Variants in CNTNAP4 observed in about 807,000 individuals in gnomAD.
The protein encoded by CNTNAP4 is contactin-associated protein-like 4.
A neutral mutation model predicts 148.4 loss-of-function variants in CNTNAP4; 98 were observed. The ratio of observed to expected loss-of-function variants is 0.66; its 90% confidence interval spans 0.56 to 0.78. The LOEUF is 0.78. Ranked by LOEUF, CNTNAP4 falls within the 30% of genes least tolerant of loss-of-function variation. The pLI is 0.00. For missense variants in CNTNAP4, 1,935 were observed against 1,565.6 expected, an observed-to-expected ratio of 1.24 and a Z score of -3.98; for synonymous variants, 730 against 565.1, an observed-to-expected ratio of 1.29 and a Z score of -4.14.
In CNTNAP4 at chr16:76,449,715, A is replaced by T; in HGVS notation, c.928A>T (p.Ile310Phe). Residue 310 changes from isoleucine to phenylalanine, a missense_variant and splice_region_variant, in exon 7 of 24, where the codon ATC becomes TTC. Ile to Phe is a conservative substitution (Grantham distance 21, BLOSUM62 0). Transcript: ENST00000611870. ...TATTGATGCCATTTTTCTTTCTAAG[A>T]TCAGCTTTGGAGGGATTCCAGCACC... ...EFNLMNLDYE[I>F]SFGGIPAPGK... 6.4e-7 allele frequency: 1 copy of T among 1,561,108 alleles called. No individual in the cohort carries two copies. The highest frequency in any genetic ancestry group is 8.6e-7 in the Non-Finnish European group (1 of 1,156,292).
At chr16:76,376,715 G>C (rs1567916915) in intron 3 of CNTNAP4, among the ~76,000 whole-genome samples, 1 of 152,156 alleles carries the variant, frequency 6.6e-6, no homozygotes, top group Non-Finnish European at 1.5e-5. Context: ...TTAGGACCCA[G>C]GGTTGGAATC....
At chr16:76,383,046 T>A (rs2016146347) in intron 3 of CNTNAP4, among the ~76,000 whole-genome samples, 1 of 151,834 alleles carries the variant, frequency 6.6e-6, no homozygotes. Flanking sequence ...TATGGGAAGA[T>A]GCCAGAGAAT....
chr16:76,455,868 T>C (rs1391022904), intron 8 of CNTNAP4, among the ~76,000 whole-genome samples: 1 of 152,200 alleles, frequency 6.6e-6, no homozygotes, highest in Non-Finnish European at 1.5e-5. Flanking sequence ...TGATGACAAC[T>C]AAGCTCTCAT....
chr16:76,534,795 A>G (rs961047439), intron 17 of CNTNAP4, among the ~76,000 whole-genome samples: 1 of 152,162 alleles, frequency 6.6e-6, no homozygotes, highest in African/African-American at 2.4e-5. Context: ...AAGTTTGAGA[A>G]ACTCTACCTT....
chr16:76,527,007 G>C (rs2083762871), intron 17 of CNTNAP4, among the ~76,000 whole-genome samples: 1 of 152,046 alleles, frequency 6.6e-6, no homozygotes, highest in East Asian at 1.9e-4. Flanking sequence ...AGCTTTTCTT[G>C]TTTTCTCCCT....
intron 17 of CNTNAP4, among the ~76,000 whole-genome samples, chr16:76,522,723 T>C (rs1370606892): frequency 0.033 from 2,516 of 77,104 alleles, 284 homozygotes; most frequent in Non-Finnish European, 0.039. Context: ...TTTCTTTTCT[T>C]TTCTTTTCTT....
At chr16:76,340,781 C>A (rs186310396) in intron 2 of CNTNAP4, among the ~76,000 whole-genome samples, 4 of 152,164 alleles carry the variant, frequency 2.6e-5, no homozygotes, top group African/African-American at 9.6e-5. Flanking sequence ...ACTCCTAACT[C>A]TGATTAATAC....
chr16:76,458,340 G>T (rs112974711), intron 8 of CNTNAP4, among the ~76,000 whole-genome samples: 2,879 of 152,106 alleles, frequency 0.019, 91 homozygotes, highest in African/African-American at 0.066. Context: ...AATTTTTCTA[G>T]GGACTGTAAT....
intron 3 of CNTNAP4, among the ~76,000 whole-genome samples, chr16:76,389,732 C>T (rs1231325767): frequency 1.3e-5 from 2 of 152,124 alleles, no homozygotes; most frequent in African/African-American, 2.4e-5. Context: ...TCCCAAAGTG[C>T]TGGGATTACG....
rs559831030 is a variant in CNTNAP4 at position 76,462,083 on chromosome 16, G to A, written c.1461G>A (p.Ser487=). Residue 487 remains serine, a synonymous_variant, in exon 9 of 24, where the codon TCG becomes TCA. Transcript: ENST00000611870. ...TGCTGGGGCCTGAGCAGATTTATTC[G>A]GGTGGCACCTATTATTTTGGAGGTA... ...APLLGPEQIY[S]GGTYYFGGCP... 26 of 1,613,362 alleles carry A rather than the reference G, an allele frequency of 1.6e-5. No homozygotes were observed. Among genetic ancestry groups the A allele is most frequent in the South Asian group, 1.5e-4 (14 of 90,992 alleles).
At chr16:76,472,438 G>T (rs2081409985) in intron 10 of CNTNAP4, among the ~76,000 whole-genome samples, 1 of 151,942 alleles carries the variant, frequency 6.6e-6, no homozygotes, top group Admixed American at 6.6e-5. Context: ...TCATTCTTTT[G>T]GATTTTAGGC....
intron 1 of CNTNAP4, among the ~76,000 whole-genome samples, chr16:76,296,279 C>G (rs1959286437): frequency 6.6e-6 from 1 of 152,142 alleles, no homozygotes; most frequent in Admixed American, 6.6e-5. Flanking sequence ...CAACACAGAG[C>G]ATTATAATGT....
In CNTNAP4 at chr16:76,538,348, C is replaced by T; in HGVS notation, c.3220+8C>T. ...TGATCATTGCCAAAAATGGTGAGTT[C>T]TTTTTAGATGAGAGAGAGAAAATTA... On this transcript the variant is annotated splice_region_variant and intron_variant, in intron 19 of 23. Transcript: ENST00000611870. 6.3e-7 allele frequency: 1 copy of T among 1,580,586 alleles called. No individual in the cohort carries two copies. The highest frequency in any genetic ancestry group is 8.7e-7 in the Non-Finnish European group (1 of 1,154,572).
intron 9 of CNTNAP4, among the ~76,000 whole-genome samples, chr16:76,462,483 A>G (rs1376368592): frequency 6.6e-6 from 1 of 152,114 alleles, no homozygotes; most frequent in Non-Finnish European, 1.5e-5. Context: ...GAGCATCCTT[A>G]TTGCTTCCCT....
At chr16:76,318,285 C>G (rs1417163901) in intron 2 of CNTNAP4, among the ~76,000 whole-genome samples, 2 of 152,160 alleles carry the variant, frequency 1.3e-5, no homozygotes, top group African/African-American at 4.8e-5. Flanking sequence ...TTTAATCTAC[C>G]TATTTATCTT....
At chr16:76,547,032 G>A (rs1442951556) in intron 21 of CNTNAP4, among the ~76,000 whole-genome samples, 1 of 152,134 alleles carries the variant, frequency 6.6e-6, no homozygotes, top group African/African-American at 2.4e-5. Context: ...TTTCTTTCTG[G>A]TCTTCCCTGT....
At chr16:76,347,586 A>G (rs1387475328) in intron 2 of CNTNAP4, among the ~76,000 whole-genome samples, 1 of 152,210 alleles carries the variant, frequency 6.6e-6, no homozygotes, top group African/African-American at 2.4e-5. Flanking sequence ...AGCAGAAGGA[A>G]TTTTAAATGG....
chr16:76,512,605 A>C (rs532476060), intron 15 of CNTNAP4, among the ~76,000 whole-genome samples: 46 of 152,286 alleles, frequency 3.0e-4, no homozygotes, highest in African/African-American at 1.0e-3. Context: ...GGACATATTA[A>C]GGTTGAGATG....
chr16:76,349,646 GA>G (rs953670298), intron 2 of CNTNAP4, among the ~76,000 whole-genome samples: 1 of 151,528 alleles, frequency 6.6e-6, no homozygotes, highest in Non-Finnish European at 1.5e-5. Flanking sequence ...AATCGCATTT[GA>G]AAAAAAAGTA....
Sources: allele counts gnomAD v4.1 joint callset (sites outside exome capture counted in the v4.1 genomes callset), GRCh38; gene constraint gnomAD v4.1.1; transcripts MANE v1.5; gene names NCBI Gene and HGNC (gene_info 2026-07-23, HGNC 2026-07-21).